Variants in GSE1 observed in about 807,000 individuals in gnomAD.
GSE1 encodes Gse1 coiled-coil protein, also known as genetic suppressor element 1.
Under a neutral mutation model 112.6 loss-of-function variants are expected in GSE1, and 32 were observed. That is an observed-to-expected ratio of 0.28 (90% CI 0.21 to 0.38). The LOEUF is 0.38. GSE1 is among the 10% of genes least tolerant of loss of function. The pLI is 1.00. For missense variants in GSE1, 2,348 were observed against 1,699.2 expected (o/e 1.38, Z -6.71); for synonymous variants, 1,115 against 735.6 (o/e 1.52, Z -8.35).
chr16:85,421,124 T>C (rs1334808471), intron 2 of GSE1, among the ~76,000 whole-genome samples: 2 of 152,176 alleles, frequency 1.3e-5, no homozygotes, highest in African/African-American at 4.8e-5. Context: ...CGGCACGCAG[T>C]GGGCGCTGTG....
Position 85,543,856 on chromosome 16 carries a change from G to T in GSE1, c.2465-90058G>T, listed in dbSNP as rs970409126. Among the ~76,000 whole-genome samples the T allele has an allele frequency of 3.7e-4, 57 of 152,138 alleles. 3 individuals are homozygous for T. The highest frequency in any genetic ancestry group is 1.5e-5 in the Non-Finnish European group (1 of 68,028). ...GTATCTGGAAACTTGTTTCTAATTT[G>T]AGACAGTATCTTGCTCTGTCATCCA... On this transcript the variant is annotated intron_variant, in intron 2 of 2. Coordinates refer to the GSE1 transcript ENST00000637419.
At chr16:85,662,906 A>G (rs549261785) in intron 9 of GSE1, 75 bp from the exon 10 acceptor site, 13 of 1,040,926 alleles carry the variant, frequency 1.2e-5, no homozygotes, top group Middle Eastern at 2.0e-4. Context: ...CTCTGCACAC[A>G]TGAGGCCCTG....
chr16:85,588,352 C>T lies in GSE1; in HGVS notation c.37+31989C>T, dbSNP rs2046806072. Among the ~76,000 whole-genome samples, 4 of 152,326 alleles carry T rather than the reference C, an allele frequency of 2.6e-5. No homozygotes were observed. The South Asian group carries it at 8.3e-4, about 32-fold the overall frequency. ...CTCACTGGCTGACTGGCCCCCCCTT[C>T]CCCGCTGCGGGCCTTGGGGGGCCCG... On this transcript the variant is annotated intron_variant, in intron 1 of 2. Coordinates refer to the GSE1 transcript ENST00000635906.
chr16:85,403,593 C>T (rs554463203), intron 2 of GSE1, among the ~76,000 whole-genome samples: 8 of 151,852 alleles, frequency 5.3e-5, no homozygotes, highest in African/African-American at 1.9e-4. Flanking sequence ...AGTTTGACAC[C>T]AGCCTGGGCA....
chr16:85,370,509 C>T (rs2047272465), intron 2 of GSE1, among the ~76,000 whole-genome samples: 1 of 152,168 alleles, frequency 6.6e-6, no homozygotes, highest in Non-Finnish European at 1.5e-5. Context: ...CACCCAGACC[C>T]TAGGAGGGCA....
At chr16:85,297,097 G>A (rs2045389671) in intron 1 of GSE1, among the ~76,000 whole-genome samples, 1 of 152,254 alleles carries the variant, frequency 6.6e-6, no homozygotes, top group South Asian at 2.1e-4. Context: ...GTTGGGGGGT[G>A]CAGTGATGCC....
At chr16:85,668,574 C>A in intron 14 of GSE1, 150 bp downstream of exon 14, 3 of 630,468 alleles carry the variant, frequency 4.8e-6, no homozygotes, top group Non-Finnish European at 8.2e-6. Flanking sequence ...AAGTTTCTTC[C>A]GGCTTCTGGT....
At chr16:85,501,013 T>TG (rs1167865683) in intron 2 of GSE1, among the ~76,000 whole-genome samples, 2 of 140,864 alleles carry the variant, frequency 1.4e-5, no homozygotes, top group African/African-American at 2.7e-5. Flanking sequence ...TTTTTTTTTT[T>TG]TTTTTTTTTT....
intron 3 of GSE1, among the ~76,000 whole-genome samples, chr16:85,649,349 A>G (rs558204162): frequency 6.6e-6 from 1 of 152,350 alleles, no homozygotes; most frequent in East Asian, 1.9e-4. Flanking sequence ...CCGGCACACT[A>G]GCTGTGACTG....
Position 85,656,620 on chromosome 16 carries a change from G to A in GSE1, c.1267G>A (p.Glu423Lys). 1 of 1,543,288 alleles carries A rather than the reference G, an allele frequency of 6.5e-7. No homozygotes were observed. Among genetic ancestry groups the A allele is most frequent in the Non-Finnish European group, 8.7e-7 (1 of 1,143,656 alleles). Residue 423 changes from glutamate to lysine, a missense_variant, in exon 7 of 16, where the codon GAG becomes AAG. By Grantham distance (56) the Glu-to-Lys change is moderately conservative. Coordinates refer to ENST00000253458, the MANE Select transcript of GSE1 (RefSeq NM_014615.5). Reference sequence around the variant, plus strand: ...GCATGGGCTGCGTGGCCATGCCACTGAGGAGCGGGGCAAGCCCTCGGAGCA... The same window carrying A: ...GCATGGGCTGCGTGGCCATGCCACTAAGGAGCGGGGCAAGCCCTCGGAGCA... ...ELHGLRGHAT[E>K]ERGKPSEQLT...
chr16:85,624,829 A>T (rs1047045179), intron 1 of GSE1, among the ~76,000 whole-genome samples: 3 of 152,182 alleles, frequency 2.0e-5, no homozygotes, highest in African/African-American at 7.2e-5. Flanking sequence ...GGTACCGCCA[A>T]GGGCACAGGG....
At position 85,668,446 on chromosome 16, in the gene GSE1, G is replaced by A. The variant is rs199887934; in HGVS notation, c.3415+22G>A. The stretch of plus-strand genomic sequence containing the variant: ...GAAGGTAAGGGGGTGCTGGGGAAGA[G>A]GGGGGAGGGGGTCAGGAAAGTACCT... On this transcript the variant is annotated intron_variant, in intron 14 of 15. Transcript: ENST00000253458. 25 of 1,486,360 alleles carry A rather than the reference G, an allele frequency of 1.7e-5. No individual in the cohort carries two copies. In the Admixed American group the frequency reaches 2.1e-4, roughly 12 times the overall value. 92.1% of individuals were successfully genotyped at this position (1,486,360 alleles called of 1,614,324 possible).
intron 1 of GSE1, among the ~76,000 whole-genome samples, chr16:85,235,632 A>G (rs1246342859): frequency 1.4e-5 from 2 of 143,254 alleles, no homozygotes; most frequent in Non-Finnish European, 3.1e-5. Flanking sequence ...TGGGGCTCAT[A>G]CTCCTCGTCC....
chr16:85,382,853 T>G (rs1438003116), intron 2 of GSE1, among the ~76,000 whole-genome samples: 1 of 150,790 alleles, frequency 6.6e-6, no homozygotes, highest in Non-Finnish European at 1.5e-5. Flanking sequence ...CATGCATACA[T>G]GTGCACACAC....
chr16:85,169,600 G>A (rs946257113), exon 1 of GSE1: 20 of 982,340 alleles, frequency 2.0e-5, no homozygotes, highest in South Asian at 4.6e-5. Flanking sequence ...TGCGGGCGGC[G>A]CGCCGCTCTC....
intron 15 of GSE1, 22 bp downstream of exon 15, chr16:85,671,120 A>C: frequency 1.5e-6 from 2 of 1,322,542 alleles, no homozygotes; most frequent in Non-Finnish European, 2.2e-6. Context: ...AGGGATGGAA[A>C]CCTTCAAACA....
At chr16:85,560,193 T>C (rs1469782540) in intron 1 of GSE1, among the ~76,000 whole-genome samples, 1 of 136,914 alleles carries the variant, frequency 7.3e-6, no homozygotes, top group African/African-American at 2.7e-5. Context: ...TCGAGTGCAA[T>C]GGCGAGATTT....
chr16:85,577,487 C>G (rs1317917641), intron 1 of GSE1, among the ~76,000 whole-genome samples: 1 of 152,170 alleles, frequency 6.6e-6, no homozygotes, highest in Non-Finnish European at 1.5e-5. Flanking sequence ...CCTGGGCTAG[C>G]CAGAGCTGAA....
At chr16:85,629,933 A>T (rs1186260779) in intron 1 of GSE1, among the ~76,000 whole-genome samples, 1 of 152,088 alleles carries the variant, frequency 6.6e-6, no homozygotes, top group Non-Finnish European at 1.5e-5. Context: ...TTGTTATCTC[A>T]GTTTCTGTGG....
Sources: gnomAD v4.1 joint callset for allele counts (sites outside exome capture counted in the v4.1 genomes callset) on GRCh38, gnomAD v4.1.1 for gene constraint, MANE v1.5 for transcripts, NCBI Gene and HGNC (gene_info 2026-07-23, HGNC 2026-07-21) for gene names.